The following ZAN variants were observed in gnomAD, a reference collection of about 807,000 sequenced individuals.
The protein encoded by ZAN is zonadhesin.
In ZAN, 260 loss-of-function variants were observed where a neutral mutation model predicts 286.2. That is an observed-to-expected ratio of 0.91 (90% confidence interval 0.82 to 1.01). The LOEUF is 1.01. Among genes scored for constraint, ZAN ranks in the 50% least tolerant of loss-of-function variants. The pLI is 0.00. For missense variants in ZAN, 3,410 were observed against 3,639.2 expected (o/e 0.94, Z 1.62); for synonymous variants, 1,368 against 1,417.5 (o/e 0.97, Z 0.79).
intron 25 of ZAN, among the ~76,000 whole-genome samples, chr7:100,767,467 GTTTT>G (rs35803818): frequency 7.7e-5 from 6 of 77,972 alleles, no homozygotes; most frequent in Non-Finnish European, 5.2e-5. Flanking sequence ...GTTTTTTGCC[GTTTT>G]TTTTTTTTTT....
In ZAN at chr7:100,773,900, C is replaced by T. The variant is rs777236828; in HGVS notation, c.5779+35C>T. The T allele has an allele frequency of 2.3e-5, 37 of 1,574,960 alleles. No homozygotes were observed. In the South Asian group the frequency reaches 3.7e-4, roughly 16 times the overall value. On this transcript the variant is annotated intron_variant, in intron 31 of 47. Coordinates refer to ENST00000613979, the MANE Select transcript of ZAN (RefSeq NM_003386.3). Reference sequence around the variant, plus strand: ...CCACGGTGATGGGGGGACTCCACAGCCCTGAGGCCCACTCTCCCAACTCCC... The same window carrying T: ...CCACGGTGATGGGGGGACTCCACAGTCCTGAGGCCCACTCTCCCAACTCCC...
Position 100,786,136 on chromosome 7 carries a change from C to T in ZAN, c.6974C>T (p.Ser2325Leu), listed in dbSNP as rs1195452461. ...GACAACAGCAACAGCAATTGTGTCT[C>T]AGACAGTAAGGGGAGCGACCGGGGA... ...TSDNSNSNCV[S>L]DKSEQCSVYG... Residue 2325 changes from serine to leucine, a missense_variant, in exon 37 of 48, where the codon TCA becomes TTA. Ser to Leu is a moderately radical substitution (Grantham distance 145). Coordinates refer to ENST00000613979, the MANE Select transcript of ZAN (RefSeq NM_003386.3). The T allele has an allele frequency of 1.2e-6, 2 of 1,613,800 alleles. No individual in the cohort carries two copies. The highest frequency in any genetic ancestry group is 1.7e-5 in the Admixed American group (1 of 59,990).
chr7:100,749,733 T>C (rs1263046912), intron 11 of ZAN, among the ~76,000 whole-genome samples: 5 of 144,814 alleles, frequency 3.5e-5, no homozygotes, highest in African/African-American at 5.1e-5. Context: ...CATATATATA[T>C]ATAAAGAAAT....
At position 100,788,222 on chromosome 7, in the gene ZAN, C is replaced by A. The variant is rs982924178; in HGVS notation, c.7227+86C>A. ...GGAGTAGAAGTCAGGGATCCCTGTTCCCTGGGATGTTTGTGGCAGGGGTGG... is the reference window on the plus strand; with the variant it reads ...GGAGTAGAAGTCAGGGATCCCTGTTACCTGGGATGTTTGTGGCAGGGGTGG... On this transcript the variant is annotated intron_variant, in intron 38 of 47. Transcript: ENST00000613979. 74 of 1,405,966 alleles carry A rather than the reference C, an allele frequency of 5.3e-5. No individual in the cohort carries two copies. The East Asian group carries it at 1.7e-3, about 32-fold the overall frequency. 87.1% of individuals were successfully genotyped at this position (1,405,966 alleles called of 1,614,324 possible).
chr7:100,771,086 G>A (rs1409323157), intron 28 of ZAN, among the ~76,000 whole-genome samples: 1 of 152,016 alleles, frequency 6.6e-6, no homozygotes, highest in Non-Finnish European at 1.5e-5. Context: ...TTAAAGGCAT[G>A]AGCCATCATG....
rs370770756 is a variant in ZAN at position 100,752,128 on chromosome 7, C to T, written c.2023C>T (p.Pro675Ser). The change falls in exon 14 of 48, where the codon CCT (proline) becomes TCT (serine). Residue 675 changes from proline (P) to serine (S), a missense_variant. By Grantham distance (74) the Pro-to-Ser change is moderately conservative (BLOSUM62 -1). Around this residue, in one of 7 missense-constraint regions of ZAN, gnomAD observed 872 missense variants for 938.9 expected, o/e 0.93. Coordinates refer to ENST00000613979, the MANE Select transcript of ZAN (RefSeq NM_003386.3). ...GGAGACCACCACCTCCATGGAAGAG[C>T]CTGTCATCCCTACAGAAAAACCCAG... Reference protein sequence around the residue: ...TEETTTSMEEPVIPTEKPSIP... With the variant: ...TEETTTSMEESVIPTEKPSIP... 51 of 1,610,780 alleles carry T rather than the reference C, an allele frequency of 3.2e-5. No individual in the cohort carries two copies. In the African/African-American group the frequency reaches 3.7e-4, roughly 12 times the overall value.
chr7:100,736,953 GGCT>G lies in ZAN; in HGVS notation c.408_410del (p.Leu137del). ...GGGCTGTCTTGGGGCGCCCAGCTCA[GGCT>G]GCTGCTGCTCTCGGGTGAAGAGGGC... On this transcript the variant is annotated inframe_deletion, in exon 5 of 48. Coordinates refer to ENST00000613979, the MANE Select transcript of ZAN (RefSeq NM_003386.3). 1 of 1,503,936 alleles carries G rather than the reference GGCT, an allele frequency of 6.6e-7. No homozygotes were observed. Among genetic ancestry groups the G allele is most frequent in the South Asian group, 1.2e-5 (1 of 86,374 alleles). The allele number at this position is 1,503,936 out of a possible 1,614,324, so 93.2% of individuals were successfully genotyped here.
intron 17 of ZAN, 69 bp downstream of exon 17, chr7:100,758,719 T>A (rs1809338396): frequency 1.3e-6 from 2 of 1,526,486 alleles, no homozygotes; most frequent in Admixed American, 2.0e-5. Context: ...GCATGGGGCA[T>A]GGTGGGTGGC....
chr7:100,788,097 CG>C lies in ZAN; in HGVS notation c.7190del (p.Gly2397AlafsTer57). 1 of 1,562,606 alleles carries C rather than the reference CG, an allele frequency of 6.4e-7. No individual in the cohort carries two copies. The highest frequency in any genetic ancestry group is 8.7e-7 in the Non-Finnish European group (1 of 1,146,074). ...TGCAGGAAGTGATTACCACCGTCTA[CG>C]GCTATAAAGTGCAGCTCCAAGCTGG... The part of the protein sequence containing the change: ...FLQEVITTVY[G>X]YKVQLQAGLE... On this transcript the variant is annotated frameshift_variant, in exon 38 of 48. Coordinates refer to ENST00000613979, the MANE Select transcript of ZAN (RefSeq NM_003386.3). LOFTEE classifies it high-confidence loss of function.
rs1266100931 is a variant in ZAN at position 100,779,631 on chromosome 7, A to G, written c.6503A>G (p.Asn2168Ser). The change falls in exon 35 of 48, where the codon AAC becomes AGC. Residue 2168 changes from asparagine (N) to serine (S), a missense_variant. Physicochemically the swap from Asn to Ser is conservative, Grantham distance 46 (BLOSUM62 1). Around this residue, in one of 7 missense-constraint regions of ZAN, gnomAD observed 1,289 missense variants for 1,314.3 expected, o/e 0.98. Coordinates refer to ENST00000613979, the MANE Select transcript of ZAN (RefSeq NM_003386.3). ...ACGCCCTTCCTGGTGGACTGTGCAA[A>G]CACCCTCTGTGAGTTCGGAGGTCTC... Reference protein sequence around the residue: ...DLTPFLVDCANTLCEFGGLYQ... With the variant: ...DLTPFLVDCASTLCEFGGLYQ... 13 of 1,599,090 alleles carry G rather than the reference A, an allele frequency of 8.1e-6. No individual in the cohort carries two copies. Among genetic ancestry groups the G allele is most frequent in the Non-Finnish European group, 1.1e-5 (13 of 1,173,082 alleles).
chr7:100,783,344 C>T (rs1173370042), intron 35 of ZAN, among the ~76,000 whole-genome samples: 1 of 151,692 alleles, frequency 6.6e-6, no homozygotes, highest in African/African-American at 2.4e-5. Flanking sequence ...ACTGATGGCT[C>T]TTTTTTTTAG....
In ZAN at chr7:100,747,585, C is replaced by T; in HGVS notation, c.967C>T (p.Pro323Ser). The change falls in exon 9 of 48, where the codon CCT becomes TCT. Residue 323 changes from proline (P) to serine (S), a missense_variant. Coordinates refer to ENST00000613979, the MANE Select transcript of ZAN (RefSeq NM_003386.3). ...IRKHTLFSGQ[P>S]GPNWQAVSVN... ...GAAACACACTCTCTTCTCAGGACAA[C>T]CTGGGCCCAACTGGCAGGCTGTTTC... 1.9e-6 allele frequency: 3 copies of T among 1,613,810 alleles called. No homozygotes were observed. Among genetic ancestry groups the T allele is most frequent in the African/African-American group, 1.3e-5 (1 of 75,000 alleles).
chr7:100,755,150 G>T, intron 14 of ZAN, 76 bp from the exon 15 acceptor site: 1 of 1,484,676 alleles, frequency 6.7e-7, no homozygotes, highest in Non-Finnish European at 9.1e-7. Flanking sequence ...CTTGAGTTTG[G>T]GGGTAGAGGA....
rs1308050066 is a variant in ZAN at position 100,784,788 on chromosome 7, C to T, written c.6788C>T (p.Pro2263Leu). 2.5e-6 allele frequency: 4 copies of T among 1,611,454 alleles called. No individual in the cohort carries two copies. The highest frequency in any genetic ancestry group is 1.7e-4 in the Middle Eastern group (1 of 6,046). The change falls in exon 36 of 48, where the codon CCC (proline) becomes CTC (leucine). Residue 2263 changes from proline to leucine, a missense_variant. Around this residue, in one of 7 missense-constraint regions of ZAN, gnomAD observed 1,289 missense variants for 1,314.3 expected, o/e 0.98. Transcript: ENST00000613979. ...GYVLSEDKCV[P>L]RSQCGCKDAH... Reference sequence around the variant, plus strand: ...GTGCTGAGTGAAGACAAGTGTGTCCCCAGAAGTCAGTGTGGCTGCAAGGAT... The same window carrying T: ...GTGCTGAGTGAAGACAAGTGTGTCCTCAGAAGTCAGTGTGGCTGCAAGGAT...
intron 45 of ZAN, among the ~76,000 whole-genome samples, chr7:100,796,425 T>TC (rs1812367500): frequency 6.7e-6 from 1 of 150,132 alleles, no homozygotes; most frequent in African/African-American, 2.4e-5. Flanking sequence ...AATCTGCTTT[T>TC]TTTTTTTTTT....
rs902308531 is a variant in ZAN, at chr7:100,797,733, G to C, written c.*1G>C. 5 of 1,613,920 alleles carry C rather than the reference G, an allele frequency of 3.1e-6. No individual in the cohort carries two copies. Among genetic ancestry groups the C allele is most frequent in the Non-Finnish European group, 4.2e-6 (5 of 1,179,890 alleles). ...TACTGTTCTGGACTGTGCCTGTTAA[G>C]TTGCTCAGTTTTGAGCTGTCTTCAG... On this transcript the variant is annotated 3_prime_UTR_variant, in exon 48 of 48. Transcript: ENST00000613979.
rs764858893 is a variant in ZAN, at chr7:100,773,513, G to C, written c.5634+20G>C. 3 of 1,611,478 alleles carry C rather than the reference G, an allele frequency of 1.9e-6. No homozygotes were observed. The South Asian group carries it at 3.3e-5, about 18-fold the overall frequency. ...CACCCGGTGAGAGGCCAGCTAGGAG[G>C]GGCCCCGCCCTTTCCAGGCCCACAT... On this transcript the variant is annotated intron_variant, in intron 30 of 47. Coordinates refer to ENST00000613979, the MANE Select transcript of ZAN (RefSeq NM_003386.3).
At chr7:100,795,802 A>G (rs1023989688) in intron 45 of ZAN, among the ~76,000 whole-genome samples, 1 of 151,992 alleles carries the variant, frequency 6.6e-6, no homozygotes. Flanking sequence ...GCTACTCGGG[A>G]GGCTGAGGCA....
rs780820141 is a variant in ZAN at position 100,762,242 on chromosome 7, G to A, written c.3870G>A (p.Leu1290=). The A allele has an allele frequency of 6.2e-7, 1 of 1,613,274 alleles. No homozygotes were observed. The change falls in exon 20 of 48, where the codon TTG becomes TTA. Residue 1290 remains leucine (L), a synonymous_variant. Transcript: ENST00000613979. ...CATACTCTGGCAAACTCTGTGGTTTGTGTGGGAACTATGACGGCAACAGTG... is the reference window on the plus strand; with the variant it reads ...CATACTCTGGCAAACTCTGTGGTTTATGTGGGAACTATGACGGCAACAGTG... ...SSTYSGKLCG[L]CGNYDGNSDN...
Sources: allele counts gnomAD v4.1 joint callset (sites outside exome capture counted in the v4.1 genomes callset), GRCh38; gene constraint gnomAD v4.1.1; regional missense constraint gnomAD v4.1.1; transcripts MANE v1.5; gene names NCBI Gene and HGNC (gene_info 2026-07-23, HGNC 2026-07-21).